Variants in COPS3 observed in about 807,000 individuals in gnomAD.
The protein encoded by COPS3 is COP9 signalosome subunit 3.
In COPS3, 10 loss-of-function variants were observed where a neutral mutation model predicts 58.2. That is an observed-to-expected ratio of 0.17 (90% CI 0.11 to 0.29). The LOEUF (loss-of-function observed/expected upper bound fraction) is 0.29. Among genes scored for constraint, COPS3 ranks in the 10% least tolerant of loss-of-function variants. COPS3 has a pLI of 1.00. For synonymous variants in COPS3, 187 were observed against 181.7 expected (o/e 1.03, Z -0.24); for missense variants, 333 against 510.1 (o/e 0.65, Z 3.34).
intron 9 of COPS3, among the ~76,000 whole-genome samples, chr17:17,250,158 T>C (rs1040390056): frequency 6.6e-6 from 1 of 152,148 alleles, no homozygotes; most frequent in Non-Finnish European, 1.5e-5. Flanking sequence ...TCATATACTA[T>C]GTAATCTTTT....
chr17:17,261,863 G>T, intron 7 of COPS3, 103 bp downstream of exon 7: 1 of 949,294 alleles, frequency 1.1e-6, no homozygotes, highest in Non-Finnish European at 1.6e-6. Flanking sequence ...GCTGCTAGGA[G>T]AGCTAAATCA....
At position 17,266,392 on chromosome 17, in the gene COPS3, T is replaced by C. The variant is rs181179488; in HGVS notation, c.442-1411A>G. On this transcript the variant is annotated intron_variant, in intron 5 of 11. Transcript: ENST00000268717. ...TTTGGAAGGATACACGAGAAATAAC[T>C]AACATAGTTTCCTTTGTAGAGAAGA... Among the ~76,000 whole-genome samples the C allele has an allele frequency of 2.2e-4, 34 of 152,362 alleles. 1 individual carries two copies. Among genetic ancestry groups the C allele is most frequent in the African/African-American group, 7.7e-4 (32 of 41,590 alleles).
rs1389406160 is a variant in COPS3, at chr17:17,260,523, G to A, written c.763-49C>T. 1.9e-6 allele frequency: 3 copies of A among 1,586,426 alleles called. No homozygotes were observed. The Admixed American group carries it at 5.0e-5, about 27-fold the overall frequency. ...AATTCAGATTAAAACTTCAGAAGAG[G>A]CCAGGTGTGGGGACTCACGCCTGTA... On this transcript the variant is annotated intron_variant, in intron 7 of 11. Coordinates refer to ENST00000268717, the MANE Select transcript of COPS3 (RefSeq NM_003653.4).
intron 1 of COPS3, 169 bp from the exon 2 acceptor site, chr17:17,276,333 C>G: frequency 1.3e-6 from 1 of 765,196 alleles, no homozygotes; most frequent in Non-Finnish European, 2.0e-6. Flanking sequence ...ACAACCTGTC[C>G]GTGGTCTCAA....
In COPS3 at chr17:17,262,091, C is replaced by A. The variant is rs914708402; in HGVS notation, c.637G>T (p.Ala213Ser). ...AACATGATATGACTGACCGCCATGG[C>A]AGGAGTAGTTATAGCCTAGGCAAGA... ...YFYEQAITTP[A>S]MAVSHIMLES... Residue 213 changes from alanine to serine, a missense_variant, in exon 7 of 12, where the codon GCC becomes TCC. Ala to Ser is a moderately conservative substitution (Grantham distance 99). Transcript: ENST00000268717. The A allele has an allele frequency of 3.1e-6, 5 of 1,610,162 alleles. No homozygotes were observed. In the African/African-American group the frequency reaches 6.7e-5, roughly 22 times the overall value.
intron 8 of COPS3, among the ~76,000 whole-genome samples, chr17:17,258,143 C>T (rs2048018730): frequency 6.6e-6 from 1 of 152,184 alleles, no homozygotes; most frequent in Non-Finnish European, 1.5e-5. Context: ...TGGTAGCCCT[C>T]CCCAGGTCCC....
chr17:17,265,864 T>C (rs777886218), intron 5 of COPS3, among the ~76,000 whole-genome samples: 3 of 152,180 alleles, frequency 2.0e-5, no homozygotes, highest in Admixed American at 6.5e-5. Context: ...ACTAGTGGAA[T>C]AGAAAGAGAC....
intron 8 of COPS3, among the ~76,000 whole-genome samples, chr17:17,259,803 C>T (rs374198355): frequency 1.3e-5 from 2 of 151,506 alleles, no homozygotes; most frequent in Admixed American, 6.6e-5. Flanking sequence ...CTGAGGTGGG[C>T]AGATCACTTG....
intron 9 of COPS3, among the ~76,000 whole-genome samples, chr17:17,253,690 C>CA (rs745837069): frequency 1.7e-4 from 26 of 152,292 alleles, no homozygotes; most frequent in South Asian, 4.1e-4. Flanking sequence ...CATTGTTCAG[C>CA]AAGATTTCTT....
intron 9 of COPS3, among the ~76,000 whole-genome samples, chr17:17,253,118 T>G (rs1027324185): frequency 6.6e-6 from 1 of 152,058 alleles, no homozygotes; most frequent in Non-Finnish European, 1.5e-5. Flanking sequence ...CACAGCTACT[T>G]GGGAGGCTGA....
chr17:17,261,543 T>TAAAC, intron 7 of COPS3: 1 of 336,040 alleles, frequency 3.0e-6, no homozygotes, highest in Non-Finnish European at 5.7e-6. Context: ...AATAAATAAA[T>TAAAC]AAATAAAATG....
chr17:17,276,311 C>A (rs1048245045), intron 1 of COPS3, 147 bp from the exon 2 acceptor site: 5 of 1,008,632 alleles, frequency 5.0e-6, no homozygotes, highest in Non-Finnish European at 5.7e-6. Flanking sequence ...CCAGAAGGAC[C>A]AGAGGAGTGA....
chr17:17,275,935 C>G, intron 2 of COPS3, 100 bp downstream of exon 2: 1 of 1,195,510 alleles, frequency 8.4e-7, no homozygotes, highest in Non-Finnish European at 1.1e-6. Flanking sequence ...GAGCGAAACT[C>G]CATCTCAAAA....
At chr17:17,271,059 A>G in intron 2 of COPS3, 51 bp from the exon 3 acceptor site, 1 of 1,262,690 alleles carries the variant, frequency 7.9e-7, no homozygotes, top group Non-Finnish European at 1.2e-6. Context: ...ATGGGATAAA[A>G]TACAGAAACA....
At chr17:17,280,865 G>C (rs1192089428) in intron 1 of COPS3, 2 of 1,106,466 alleles carry the variant, frequency 1.8e-6, no homozygotes, top group Admixed American at 3.2e-5. Flanking sequence ...CAAAGCGCCC[G>C]GTGGAAGGGG....
chr17:17,276,786 G>A (rs1036789367), intron 1 of COPS3, among the ~76,000 whole-genome samples: 1 of 151,858 alleles, frequency 6.6e-6, no homozygotes, highest in African/African-American at 2.4e-5. Context: ...TGGCCAGGCT[G>A]GTCTTGAACT....
At chr17:17,261,147 C>G (rs2048090574) in intron 7 of COPS3, among the ~76,000 whole-genome samples, 1 of 152,196 alleles carries the variant, frequency 6.6e-6, no homozygotes, top group Non-Finnish European at 1.5e-5. Context: ...AGAAAGGAGT[C>G]AAAACATTCA....
At position 17,246,913 on chromosome 17, in the gene COPS3, A is replaced by G; in HGVS notation, c.*185T>C. On this transcript the variant is annotated 3_prime_UTR_variant, in exon 12 of 12. Coordinates refer to ENST00000268717, the MANE Select transcript of COPS3 (RefSeq NM_003653.4). ...TCCACGACAGACTTTAAAGTTTGCA[A>G]ATCTGTTTCCTTTCTTTGCAGAGAA... 1.7e-6 allele frequency: 1 copy of G among 599,628 alleles called. No homozygotes were observed. The highest frequency in any genetic ancestry group is 3.0e-6 in the Non-Finnish European group (1 of 331,444). 37.1% of individuals were successfully genotyped at this position (599,628 alleles called of 1,614,324 possible).
intron 8 of COPS3, among the ~76,000 whole-genome samples, chr17:17,260,062 T>C (rs1283244198): frequency 1.3e-5 from 2 of 152,154 alleles, no homozygotes; most frequent in Non-Finnish European, 2.9e-5. Context: ...AATGTAGCCT[T>C]GTCTCCTACC....
Sources: allele counts gnomAD v4.1 joint callset (sites outside exome capture counted in the v4.1 genomes callset), GRCh38; gene constraint gnomAD v4.1.1; transcripts MANE v1.5; gene names NCBI Gene and HGNC (gene_info 2026-07-23, HGNC 2026-07-21).